ATP13A4: variants seen among roughly 807,000 people sequenced by gnomAD.
ATP13A4 encodes the protein ATPase 13A4, also known as probable cation-transporting ATPase 13A4.
In ATP13A4, 114 loss-of-function variants were observed where a neutral mutation model predicts 142.5. The observed-to-expected ratio is 0.80, with a 90% CI of 0.69 to 0.93. The LOEUF is 0.93. Ranked by LOEUF, ATP13A4 falls within the 40% of genes least tolerant of loss-of-function variation. The pLI is 0.00. For synonymous variants in ATP13A4, 488 were observed against 514.8 expected (o/e 0.95, Z 0.70); for missense variants, 1,392 against 1,454.0 (o/e 0.96, Z 0.69).
intron 2 of ATP13A4, among the ~76,000 whole-genome samples, chr3:193,560,811 G>T (rs1723999814): frequency 6.6e-6 from 1 of 152,214 alleles, no homozygotes; most frequent in South Asian, 2.1e-4. Flanking sequence ...GAAGCTCACA[G>T]CAATTTCTGC....
At chr3:193,589,975 A>T (rs943962244) in intron 1 of ATP13A4, among the ~76,000 whole-genome samples, 1 of 152,102 alleles carries the variant, frequency 6.6e-6, no homozygotes, top group South Asian at 2.1e-4. Context: ...AAAAAAAAAA[A>T]AAAGCTCTTT....
intron 25 of ATP13A4, among the ~76,000 whole-genome samples, chr3:193,424,089 C>CA (rs1389837948): frequency 6.7e-6 from 1 of 148,476 alleles, no homozygotes; most frequent in East Asian, 2.1e-4. Context: ...AGCTACACCA[C>CA]AAAAAATAAG....
At chr3:193,441,355 C>G in intron 20 of ATP13A4, 111 bp downstream of exon 20, 1 of 1,344,964 alleles carries the variant, frequency 7.4e-7, no homozygotes, top group East Asian at 2.3e-5. Context: ...ATACAGAAAA[C>G]TCACTGAGTA....
chr3:193,538,238 C>T (rs1413286580), intron 1 of ATP13A4, among the ~76,000 whole-genome samples: 2 of 152,104 alleles, frequency 1.3e-5, no homozygotes, highest in African/African-American at 4.8e-5. Flanking sequence ...AAATTCAACA[C>T]TTTTGAAAGC....
chr3:193,487,212 G>A (rs1467892914), intron 7 of ATP13A4, among the ~76,000 whole-genome samples: 5 of 152,104 alleles, frequency 3.3e-5, no homozygotes, highest in Non-Finnish European at 7.4e-5. Context: ...AAATCCAACT[G>A]AGAGGTTTAG....
At chr3:193,482,959 T>C (rs913472526) in intron 8 of ATP13A4, among the ~76,000 whole-genome samples, 1 of 152,106 alleles carries the variant, frequency 6.6e-6, no homozygotes, top group African/African-American at 2.4e-5. Context: ...CATAACACCA[T>C]TCCTTGGAAT....
intron 2 of ATP13A4, among the ~76,000 whole-genome samples, chr3:193,562,977 A>G (rs1357154787): frequency 1.3e-5 from 2 of 152,172 alleles, no homozygotes; most frequent in East Asian, 3.8e-4. Context: ...CTAAGCTTCA[A>G]TGTTTTCATC....
chr3:193,589,593 C>G (rs771943910), intron 1 of ATP13A4, among the ~76,000 whole-genome samples: 3 of 151,966 alleles, frequency 2.0e-5, no homozygotes, highest in Non-Finnish European at 4.4e-5. Context: ...AGAGTTTTAC[C>G]TGGTGAATTG....
chr3:193,431,779 A>G (rs1293622557), intron 25 of ATP13A4, among the ~76,000 whole-genome samples: 1 of 150,984 alleles, frequency 6.6e-6, no homozygotes, highest in African/African-American at 2.4e-5. Context: ...ATATGTTTCC[A>G]TTATATATAT....
chr3:193,418,594 C>A (rs1255781617), intron 25 of ATP13A4, among the ~76,000 whole-genome samples: 1 of 149,470 alleles, frequency 6.7e-6, no homozygotes, highest in Non-Finnish European at 1.5e-5. Flanking sequence ...CAGCTTAGAA[C>A]CAAGAGGATG....
chr3:193,409,425 AT>A (rs1193446164), intron 28 of ATP13A4, among the ~76,000 whole-genome samples: 21 of 152,218 alleles, frequency 1.4e-4, no homozygotes, highest in Admixed American at 6.5e-5. Context: ...CATGCTGGCA[AT>A]GACCCTACCC....
chr3:193,511,553 A>G (rs1721141650), intron 2 of ATP13A4, among the ~76,000 whole-genome samples: 1 of 152,240 alleles, frequency 6.6e-6, no homozygotes, highest in Non-Finnish European at 1.5e-5. Context: ...GCTCTTTTGT[A>G]TAGAACACTT....
At chr3:193,559,993 A>C (rs962069900) in intron 2 of ATP13A4, among the ~76,000 whole-genome samples, 1 of 152,204 alleles carries the variant, frequency 6.6e-6, no homozygotes, top group African/African-American at 2.4e-5. Context: ...TAACCTAAAA[A>C]TTTGAATATA....
At chr3:193,460,702 G>A (rs190690718) in intron 13 of ATP13A4, among the ~76,000 whole-genome samples, 1 of 152,294 alleles carries the variant, frequency 6.6e-6, no homozygotes, top group African/African-American at 2.4e-5. Flanking sequence ...ACTATGAGAC[G>A]TACACTGTCA....
intron 1 of ATP13A4, among the ~76,000 whole-genome samples, chr3:193,544,575 A>G (rs1406170714): frequency 2.0e-5 from 3 of 152,338 alleles, no homozygotes; most frequent in African/African-American, 4.8e-5. Context: ...GACCACTTCT[A>G]CAATACAGGA....
chr3:193,457,995 C>A (rs1717735829), intron 14 of ATP13A4, among the ~76,000 whole-genome samples: 2 of 152,200 alleles, frequency 1.3e-5, no homozygotes, highest in Non-Finnish European at 2.9e-5. Flanking sequence ...AAAGACAACA[C>A]AGTGCTTTGT....
At position 193,402,354 on chromosome 3, in the gene ATP13A4, T is replaced by C. The variant is rs185892865; in HGVS notation, c.*298A>G. 360 of 387,166 alleles carry C rather than the reference T, an allele frequency of 9.3e-4. 1 individual carries two copies. Among genetic ancestry groups the C allele is most frequent in the African/African-American group, 7.0e-3 (340 of 48,830 alleles). 24.0% of individuals were successfully genotyped at this position (387,166 alleles called of 1,614,324 possible). On this transcript the variant is annotated 3_prime_UTR_variant, in exon 30 of 30. Transcript: ENST00000342695. ...TATTGTCCTGTCCTAAGAGGAAAGA[T>C]CACATATTTTTCCCCTTTAGCCTGC... is the stretch of plus-strand genomic sequence containing the variant.
rs141121308 is a variant in ATP13A4 at position 193,541,725 on chromosome 3, T to C, written c.60+13015A>G. ...CTGATGTGCTTCATGCAGAGTTGAC[T>C]CTGACCCCAACTCTAGGAGAGGGCA... On this transcript the variant is annotated intron_variant, in intron 1 of 29. Transcript: ENST00000342695. Among the ~76,000 whole-genome samples, 855 of 152,286 alleles carry C rather than the reference T, an allele frequency of 5.6e-3. 15 individuals carry two copies. Among genetic ancestry groups the C allele is most frequent in the African/African-American group, 0.02 (813 of 41,540 alleles).
chr3:193,480,394 T>C (rs1719221996), intron 8 of ATP13A4, among the ~76,000 whole-genome samples: 1 of 152,026 alleles, frequency 6.6e-6, no homozygotes, highest in Admixed American at 6.6e-5. Flanking sequence ...GAAGGACTAA[T>C]ACCCAGAATC....
Sources: allele counts gnomAD v4.1 joint callset (sites outside exome capture counted in the v4.1 genomes callset), GRCh38; gene constraint gnomAD v4.1.1; transcripts MANE v1.5; gene names NCBI Gene and HGNC (gene_info 2026-07-23, HGNC 2026-07-21).